Variants in WDFY2 observed in about 807,000 individuals in gnomAD.
WDFY2 encodes the protein WD repeat and FYVE domain-containing protein 2.
Under a neutral mutation model 56.4 loss-of-function variants are expected in WDFY2, and 36 were observed. The observed-to-expected ratio is 0.64, with a 90% CI of 0.49 to 0.84. WDFY2 has a LOEUF of 0.84. WDFY2 is among the 40% of genes least tolerant of loss of function. WDFY2 has a pLI of 0.00. For missense variants in WDFY2, 444 were observed against 512.2 expected, an observed-to-expected ratio of 0.87 and a Z score of 1.29; for synonymous variants, 176 against 183.7, an observed-to-expected ratio of 0.96 and a Z score of 0.34.
intron 1 of WDFY2, among the ~76,000 whole-genome samples, chr13:51,639,843 G>A (rs1001815752): frequency 6.6e-6 from 1 of 152,066 alleles, no homozygotes; most frequent in Non-Finnish European, 1.5e-5. Context: ...CTTCAAAGAC[G>A]CCCATATGCT....
chr13:51,681,766 A>G (rs1955981028), intron 3 of WDFY2, among the ~76,000 whole-genome samples: 1 of 152,220 alleles, frequency 6.6e-6, no homozygotes, highest in Admixed American at 6.5e-5. Flanking sequence ...GAGTGCTGAC[A>G]TTCCAGTTGC....
chr13:51,620,743 G>A (rs1409034472), intron 1 of WDFY2, among the ~76,000 whole-genome samples: 2 of 152,196 alleles, frequency 1.3e-5, no homozygotes, highest in Admixed American at 6.5e-5. Context: ...GCCGGGGATG[G>A]TGTGATGTGG....
chr13:51,675,328 A>G (rs781237996), intron 3 of WDFY2, 85 bp downstream of exon 3: 11 of 1,285,494 alleles, frequency 8.6e-6, no homozygotes, highest in Non-Finnish European at 1.2e-5. Context: ...TTTTCAAGTT[A>G]ACAGAAGAAT....
Position 51,713,199 on chromosome 13 carries a change from T to C in WDFY2, c.335-5999T>C, listed in dbSNP as rs548168028. On this transcript the variant is annotated intron_variant, in intron 4 of 11. Coordinates refer to ENST00000298125, the MANE Select transcript of WDFY2 (RefSeq NM_052950.4). Reference sequence around the variant, plus strand: ...AAGAAAACTATAGGCCATCATTCTTTATGATAATGGGTACAAAAAACTAAA... The same window carrying C: ...AAGAAAACTATAGGCCATCATTCTTCATGATAATGGGTACAAAAAACTAAA... Among the ~76,000 whole-genome samples, 177 of 152,370 alleles carry C rather than the reference T, an allele frequency of 1.2e-3. 1 individual carries two copies. Among genetic ancestry groups the C allele is most frequent in the South Asian group, 7.9e-3 (38 of 4,828 alleles).
Position 51,716,459 on chromosome 13 carries a change from G to A in WDFY2, c.335-2739G>A, listed in dbSNP as rs541411164. Among the ~76,000 whole-genome samples the A allele has an allele frequency of 3.7e-4, 57 of 152,062 alleles. No homozygotes were observed. In the Middle Eastern group the frequency reaches 0.01, roughly 27 times the overall value. Reference sequence around the variant, plus strand: ...TGTAATCCCAGCACTTTGGGAGGCCGAGGCGGGCGGATCACGAGGTCAGGA... The same window carrying A: ...TGTAATCCCAGCACTTTGGGAGGCCAAGGCGGGCGGATCACGAGGTCAGGA... On this transcript the variant is annotated intron_variant, in intron 4 of 11. Transcript: ENST00000298125.
chr13:51,618,410 A>T (rs1954662504), intron 1 of WDFY2, among the ~76,000 whole-genome samples: 1 of 152,170 alleles, frequency 6.6e-6, no homozygotes, highest in Non-Finnish European at 1.5e-5. Flanking sequence ...GAGTGCAGGG[A>T]TTGTATCTTG....
rs185152170 is a variant in WDFY2, at chr13:51,734,561, G to A, written c.599-4488G>A. ...CGATTTTTTTATTTTGATAAAATAC[G>A]TGTAACCTGAACTTTACCGTTTCAA... On this transcript the variant is annotated intron_variant, in intron 6 of 11. Transcript: ENST00000298125. Among the ~76,000 whole-genome samples the A allele has an allele frequency of 8.8e-3, 1,331 of 151,964 alleles. 21 individuals are homozygous for A. Among genetic ancestry groups the A allele is most frequent in the African/African-American group, 0.031 (1,266 of 41,432 alleles).
chr13:51,584,854 A>T, intron 1 of WDFY2, 30 bp downstream of exon 1: 2 of 1,610,538 alleles, frequency 1.2e-6, no homozygotes, highest in Non-Finnish European at 1.7e-6. Context: ...GGCCGCGAGG[A>T]GGGGCGGGAC....
At chr13:51,611,740 G>A (rs1424853853) in intron 1 of WDFY2, among the ~76,000 whole-genome samples, 2 of 152,146 alleles carry the variant, frequency 1.3e-5, no homozygotes, top group Non-Finnish European at 2.9e-5. Flanking sequence ...TTAGGATTAG[G>A]CATGAGACCC....
chr13:51,724,862 A>G (rs527278021), intron 5 of WDFY2, among the ~76,000 whole-genome samples: 2 of 152,300 alleles, frequency 1.3e-5, no homozygotes, highest in South Asian at 4.1e-4. Flanking sequence ...GTGCTCTACC[A>G]GTTCATCCCT....
intron 6 of WDFY2, among the ~76,000 whole-genome samples, chr13:51,728,241 G>C (rs1952647548): frequency 1.3e-5 from 2 of 152,168 alleles, no homozygotes; most frequent in Admixed American, 6.5e-5. Flanking sequence ...TTCATGAGTA[G>C]CTAGACTTTG....
At chr13:51,709,246 C>A (rs1318266260) in intron 4 of WDFY2, among the ~76,000 whole-genome samples, 1 of 152,084 alleles carries the variant, frequency 6.6e-6, no homozygotes, top group Non-Finnish European at 1.5e-5. Context: ...AAATATTTAT[C>A]AAGACAGACA....
At chr13:51,718,955 G>A (rs1952426471) in intron 4 of WDFY2, among the ~76,000 whole-genome samples, 1 of 152,184 alleles carries the variant, frequency 6.6e-6, no homozygotes, top group South Asian at 2.1e-4. Context: ...TGGGGCAGGA[G>A]GGGGAACATT....
rs1049884936 is a variant in WDFY2 at position 51,690,228 on chromosome 13, G to T, written c.280-13368G>T. On this transcript the variant is annotated intron_variant, in intron 3 of 11. Coordinates refer to ENST00000298125, the MANE Select transcript of WDFY2 (RefSeq NM_052950.4). ...TTATTATTATACTTTAAGTTTTAGG[G>T]TACATGTGCACATTGTGCAGGTTAG... 1.1e-4 allele frequency among the ~76,000 whole-genome samples: 17 copies of T among 150,208 alleles called. 1 individual carries two copies. The highest frequency in any genetic ancestry group is 6.6e-4 in the Admixed American group (10 of 15,050).
intron 2 of WDFY2, among the ~76,000 whole-genome samples, chr13:51,665,857 TC>T (rs1955691638): frequency 6.6e-6 from 1 of 152,234 alleles, no homozygotes; most frequent in African/African-American, 2.4e-5. Flanking sequence ...TATAAATTTT[TC>T]CACAAAGCCA....
chr13:51,731,113 A>G (rs1314647055), intron 6 of WDFY2, among the ~76,000 whole-genome samples: 1 of 152,210 alleles, frequency 6.6e-6, no homozygotes, highest in Non-Finnish European at 1.5e-5. Flanking sequence ...GATGGATTCA[A>G]GGTAGGATTC....
chr13:51,641,452 A>T (rs910353117), intron 1 of WDFY2, among the ~76,000 whole-genome samples: 5 of 152,166 alleles, frequency 3.3e-5, no homozygotes, highest in African/African-American at 1.2e-4. Flanking sequence ...ATGAGAGCAT[A>T]GCAAAGAAAA....
At chr13:51,637,199 G>A (rs991812974) in intron 1 of WDFY2, among the ~76,000 whole-genome samples, 10 of 152,294 alleles carry the variant, frequency 6.6e-5, no homozygotes, top group Middle Eastern at 3.4e-3. Context: ...ATGAGTTAGG[G>A]CAGGGATTTC....
At chr13:51,616,501 C>G (rs1566315577) in intron 1 of WDFY2, among the ~76,000 whole-genome samples, 1 of 152,158 alleles carries the variant, frequency 6.6e-6, no homozygotes, top group Non-Finnish European at 1.5e-5. Context: ...ATCTCAGAGG[C>G]TTTTAACCCA....
Sources: gnomAD v4.1 joint callset for allele counts (sites outside exome capture counted in the v4.1 genomes callset) on GRCh38, gnomAD v4.1.1 for gene constraint, MANE v1.5 for transcripts, NCBI Gene and HGNC (gene_info 2026-07-23, HGNC 2026-07-21) for gene names.